The following ACSM5 variants were observed in gnomAD, a reference collection of about 807,000 sequenced individuals.
ACSM5 encodes the protein acyl-coenzyme A synthetase ACSM5, mitochondrial.
In ACSM5, 56 loss-of-function variants were observed where a neutral mutation model predicts 71.6. The observed-to-expected ratio is 0.78, with a 90% CI of 0.63 to 0.98. ACSM5 has a LOEUF of 0.98. ACSM5 is among the 50% of genes least tolerant of loss of function. The pLI is 0.00. For synonymous variants in ACSM5, 285 were observed against 281.5 expected (o/e 1.01, Z -0.12); for missense variants, 723 against 726.0 (o/e 1.00, Z 0.05).
intron 2 of ACSM5, 115 bp from the exon 3 acceptor site, chr16:20,417,944 G>A (rs1966860496): frequency 5.8e-6 from 6 of 1,040,716 alleles, no homozygotes; most frequent in Non-Finnish European, 8.2e-6. Flanking sequence ...ATATTGCTTT[G>A]CTTTTTGAAC....
intron 12 of ACSM5, 99 bp from the exon 13 acceptor site, chr16:20,439,701 G>C (rs1596627658): frequency 3.0e-6 from 4 of 1,340,856 alleles, no homozygotes; most frequent in Middle Eastern, 2.7e-4. Context: ...AACTTTCATG[G>C]TGCAAAGGTA....
At chr16:20,430,630 T>A (rs541200118) in intron 8 of ACSM5, among the ~76,000 whole-genome samples, 10 of 133,810 alleles carry the variant, frequency 7.5e-5, no homozygotes, top group South Asian at 4.8e-4. Flanking sequence ...AAAAGATGAA[T>A]GGAAGGAAGG....
chr16:20,438,200 A>G (rs7200110), intron 12 of ACSM5, among the ~76,000 whole-genome samples: 6,476 of 151,958 alleles, frequency 0.043, 481 homozygotes, highest in African/African-American at 0.14. Context: ...AGACTTAGGT[A>G]CTTTTCACTG....
In ACSM5 at chr16:20,432,744, T is replaced by C. The variant is rs376944346; in HGVS notation, c.1308+1423T>C. 9.6e-4 allele frequency among the ~76,000 whole-genome samples: 146 copies of C among 152,088 alleles called. 1 individual carries two copies. The highest frequency in any genetic ancestry group is 3.2e-3 in the African/African-American group (134 of 41,474). On this transcript the variant is annotated intron_variant, in intron 10 of 13. Transcript: ENST00000331849. ...GGTTGTGAGATTGTTCCACTGAGTG[T>C]ACTAAAGTAATTTGAAAAGTTATTT...
intron 1 of ACSM5, among the ~76,000 whole-genome samples, chr16:20,410,704 C>T (rs1024236053): frequency 6.6e-6 from 1 of 151,958 alleles, no homozygotes; most frequent in African/African-American, 2.4e-5. Context: ...CTAGCCTGGG[C>T]AGCAGAGTGA....
chr16:20,438,633 C>T (rs1967251382), intron 12 of ACSM5, among the ~76,000 whole-genome samples: 1 of 151,640 alleles, frequency 6.6e-6, no homozygotes, highest in South Asian at 2.1e-4. Flanking sequence ...ATGTATGGTG[C>T]TTAGAACTGA....
intron 10 of ACSM5, among the ~76,000 whole-genome samples, chr16:20,433,840 A>ATT (rs61417020): frequency 2.2e-5 from 3 of 137,204 alleles, no homozygotes; most frequent in East Asian, 2.2e-4. Context: ...CACCTGGCTA[A>ATT]TTTTTTTTTT....
At position 20,411,296 on chromosome 16, in the gene ACSM5, G is replaced by A. The variant is rs564461839; in HGVS notation, c.-15-174G>A. Among the ~76,000 whole-genome samples, 7 of 152,362 alleles carry A rather than the reference G, an allele frequency of 4.6e-5. No homozygotes were observed. In the East Asian group the frequency reaches 9.6e-4, roughly 21 times the overall value. ...CAAAAGGACAGACCTCGGGGTCAGA[G>A]GAGAGAAATGACCATCACACAGCAG... On this transcript the variant is annotated intron_variant, in intron 1 of 13. Transcript: ENST00000331849.
At chr16:20,419,184 C>A (rs764303669) in intron 3 of ACSM5, 44 bp from the exon 4 acceptor site, 2 of 1,598,428 alleles carry the variant, frequency 1.3e-6, no homozygotes, top group South Asian at 1.1e-5. Context: ...ATACCCAAGG[C>A]CTTCCCCGCT....
intron 10 of ACSM5, among the ~76,000 whole-genome samples, chr16:20,434,064 T>G (rs1190695153): frequency 1.3e-5 from 2 of 152,176 alleles, no homozygotes; most frequent in Non-Finnish European, 1.5e-5. Context: ...TAGCTTATCT[T>G]TTCACTTTCT....
chr16:20,438,904 G>A (rs565760593), intron 12 of ACSM5, among the ~76,000 whole-genome samples: 15 of 145,024 alleles, frequency 1.0e-4, no homozygotes, highest in African/African-American at 3.1e-4. Flanking sequence ...GCAGTGAGCC[G>A]AGATCACCTC....
At chr16:20,423,749 G>C (rs527367700) in intron 5 of ACSM5, among the ~76,000 whole-genome samples, 167 bp from the exon 6 acceptor site, 1 of 152,344 alleles carries the variant, frequency 6.6e-6, no homozygotes, top group South Asian at 2.1e-4. Context: ...TAGGTACATG[G>C]AAGATGCTGG....
chr16:20,421,648 T>C (rs113088938), intron 5 of ACSM5, among the ~76,000 whole-genome samples: 1 of 127,112 alleles, frequency 7.9e-6, no homozygotes, highest in African/African-American at 3.1e-5. Flanking sequence ...TATATATATA[T>C]ATATATATAC....
intron 1 of ACSM5, among the ~76,000 whole-genome samples, chr16:20,410,391 G>A (rs1256603818): frequency 1.3e-5 from 2 of 152,240 alleles, no homozygotes; most frequent in East Asian, 1.9e-4. Flanking sequence ...CATATGTAGG[G>A]TGGGGTCCCA....
intron 10 of ACSM5, among the ~76,000 whole-genome samples, chr16:20,436,035 TTCTTTCTTTC>T (rs1172938677): frequency 9.5e-5 from 5 of 52,442 alleles, no homozygotes; most frequent in African/African-American, 1.8e-4. Flanking sequence ...TTCTTTCTTT[TTCTTTCTTTC>T]TCTTTCTTTC....
At position 20,440,828 on chromosome 16, in the gene ACSM5, A is replaced by G. The variant is rs900636494; in HGVS notation, c.*401A>G. 1.2e-5 allele frequency: 2 copies of G among 161,400 alleles called. No homozygotes were observed. The highest frequency in any genetic ancestry group is 4.8e-5 in the African/African-American group (2 of 41,924). The allele number at this position is 161,400 out of a possible 1,614,324, so 10.0% of individuals were successfully genotyped here. A position where few individuals can be genotyped will look rare whatever the true frequency, so the allele number is the denominator to read the frequency against. On this transcript the variant is annotated 3_prime_UTR_variant, in exon 14 of 14. Transcript: ENST00000331849. ...TCCTTTGTATGTAACCATTTGGCAA[A>G]AGTATGCAGGAACATAAAATAAAAT...
At chr16:20,432,835 T>A (rs1967125418) in intron 10 of ACSM5, among the ~76,000 whole-genome samples, 1 of 148,728 alleles carries the variant, frequency 6.7e-6, no homozygotes, top group Non-Finnish European at 1.5e-5. Flanking sequence ...TTAGTTTTCT[T>A]TCCAGATCAT....
chr16:20,436,994 T>C (rs1387773251), intron 10 of ACSM5, 58 bp from the exon 11 acceptor site: 2 of 1,581,974 alleles, frequency 1.3e-6, no homozygotes, highest in Non-Finnish European at 1.7e-6. Context: ...ACTGGGGCAG[T>C]AACTGGCCTT....
intron 10 of ACSM5, among the ~76,000 whole-genome samples, chr16:20,434,431 C>T (rs1428476490): frequency 1.3e-5 from 2 of 152,132 alleles, no homozygotes; most frequent in African/African-American, 4.8e-5. Context: ...TGGTTGCTCA[C>T]GACTGTAATC....
Sources: allele counts gnomAD v4.1 joint callset (sites outside exome capture counted in the v4.1 genomes callset), GRCh38; gene constraint gnomAD v4.1.1; transcripts MANE v1.5; gene names NCBI Gene and HGNC (gene_info 2026-07-23, HGNC 2026-07-21).